The following CLSTN2 variants were observed in gnomAD, a reference collection of about 807,000 sequenced individuals.
The protein encoded by CLSTN2 is calsyntenin-2.
A neutral mutation model predicts 101.2 loss-of-function variants in CLSTN2; 48 were observed. The ratio of observed to expected loss-of-function variants is 0.47; its 90% confidence interval spans 0.38 to 0.60. The LOEUF is 0.60. Among genes scored for constraint, CLSTN2 ranks in the 20% least tolerant of loss-of-function variants. The pLI, the probability that CLSTN2 is intolerant of heterozygous loss-of-function variation, is 0.00. For missense variants in CLSTN2, 1,160 were observed against 1,238.2 expected, an observed-to-expected ratio of 0.94 and a Z score of 0.95; for synonymous variants, 481 against 463.6, an observed-to-expected ratio of 1.04 and a Z score of -0.48.
intron 1 of CLSTN2, among the ~76,000 whole-genome samples, chr3:140,084,611 C>T (rs1183991943): frequency 2.0e-5 from 3 of 152,096 alleles, no homozygotes; most frequent in Non-Finnish European, 4.4e-5. Context: ...TTACCAAATT[C>T]CCAGGTTCAA....
At chr3:140,061,172 G>T (rs931431249) in intron 1 of CLSTN2, among the ~76,000 whole-genome samples, 3 of 152,174 alleles carry the variant, frequency 2.0e-5, no homozygotes, top group Non-Finnish European at 4.4e-5. Context: ...CTCAAAGTGA[G>T]CTTTTCTGAA....
intron 1 of CLSTN2, among the ~76,000 whole-genome samples, chr3:140,171,546 A>T (rs1187597137): frequency 1.4e-5 from 2 of 147,222 alleles, no homozygotes; most frequent in East Asian, 1.9e-4. Flanking sequence ...ATAAGCTCTC[A>T]CTTTGCTGTG....
intron 1 of CLSTN2, among the ~76,000 whole-genome samples, chr3:140,095,146 C>G (rs1019392112): frequency 1.3e-5 from 2 of 152,188 alleles, no homozygotes; most frequent in Non-Finnish European, 2.9e-5. Context: ...TTAGTTCTGT[C>G]TCTCCCTCAA....
At chr3:140,335,094 T>G (rs1053367038) in intron 2 of CLSTN2, among the ~76,000 whole-genome samples, 7 of 152,292 alleles carry the variant, frequency 4.6e-5, no homozygotes, top group Admixed American at 3.9e-4. Context: ...GAAGGTTGCC[T>G]TGGTGGGGCC....
chr3:139,957,238 G>C (rs919415401), intron 1 of CLSTN2, among the ~76,000 whole-genome samples: 2 of 151,990 alleles, frequency 1.3e-5, no homozygotes, highest in Admixed American at 6.6e-5. Flanking sequence ...CTGACACTTC[G>C]AGCTCAGGAA....
intron 8 of CLSTN2, among the ~76,000 whole-genome samples, chr3:140,530,267 C>T (rs1935226105): frequency 6.6e-6 from 1 of 152,186 alleles, no homozygotes; most frequent in South Asian, 2.1e-4. Context: ...ATGAAATATG[C>T]AAACTCTCAA....
At chr3:140,334,527 T>C (rs2087421837) in intron 2 of CLSTN2, among the ~76,000 whole-genome samples, 1 of 152,232 alleles carries the variant, frequency 6.6e-6, no homozygotes, top group Admixed American at 6.5e-5. Flanking sequence ...GACTGGACTG[T>C]GGAGTCACAG....
intron 2 of CLSTN2, among the ~76,000 whole-genome samples, chr3:140,365,887 C>A (rs568579853): frequency 5.1e-4 from 77 of 152,268 alleles, no homozygotes; most frequent in African/African-American, 1.7e-3. Flanking sequence ...AACCCCACAC[C>A]CTGAGCTTGC....
At chr3:140,119,781 A>G (rs557152094) in intron 1 of CLSTN2, among the ~76,000 whole-genome samples, 22 of 152,268 alleles carry the variant, frequency 1.4e-4, no homozygotes, top group African/African-American at 5.1e-4. Flanking sequence ...GATTACAGGC[A>G]TGAACCACTG....
At chr3:140,344,396 T>C (rs1189757810) in intron 2 of CLSTN2, among the ~76,000 whole-genome samples, 1 of 152,186 alleles carries the variant, frequency 6.6e-6, no homozygotes, top group Non-Finnish European at 1.5e-5. Context: ...CAAAACAAGT[T>C]GTATTGCCAC....
rs146974908 is a variant in CLSTN2 at position 140,448,592 on chromosome 3, G to A, written c.861G>A (p.Thr287=). The change falls in exon 6 of 17, where the codon ACG becomes ACA. Residue 287 remains threonine (T), a synonymous_variant. Coordinates refer to ENST00000458420, the MANE Select transcript of CLSTN2 (RefSeq NM_022131.3). ...MPLFPSIHLE[T]CDGAVSSLQI... ...TGTTCCCCAGCATCCACCTGGAGAC[G>A]TGCGATGGAGCCGTGTCTTCCCTCC... is the stretch of plus-strand genomic sequence containing the variant. The A allele has an allele frequency of 2.5e-4, 396 of 1,614,066 alleles. 1 individual carries two copies. The African/African-American group carries it at 4.3e-3, about 18-fold the overall frequency.
At position 139,992,573 on chromosome 3, in the gene CLSTN2, G is replaced by C. The variant is rs191132284; in HGVS notation, c.109+57090G>C. On this transcript the variant is annotated intron_variant, in intron 1 of 16. Transcript: ENST00000458420. ...GCCATTTGTTCAACAAGTATGTATT[G>C]AGCACCTATTATGTGTCAGGCACTG... Among the ~76,000 whole-genome samples the C allele has an allele frequency of 6.6e-5, 10 of 152,264 alleles. No individual in the cohort carries two copies. The East Asian group carries it at 1.7e-3, about 26-fold the overall frequency.
At chr3:140,558,588 A>C in intron 11 of CLSTN2, 52 bp from the exon 12 acceptor site, 1 of 1,484,916 alleles carries the variant, frequency 6.7e-7, no homozygotes, top group Non-Finnish European at 9.4e-7. Flanking sequence ...GCTGTATGAC[A>C]GATGGTTTAA....
chr3:140,289,266 A>C (rs2107902041), intron 2 of CLSTN2, among the ~76,000 whole-genome samples: 1 of 152,190 alleles, frequency 6.6e-6, no homozygotes, highest in Admixed American at 6.5e-5. Context: ...ACAGCTAAAA[A>C]GTGGAGGTGC....
chr3:140,083,959 A>T (rs1417289241), intron 1 of CLSTN2, among the ~76,000 whole-genome samples: 1 of 152,228 alleles, frequency 6.6e-6, no homozygotes, highest in Non-Finnish European at 1.5e-5. Flanking sequence ...TGGACTCCTG[A>T]TACTTCCATT....
At chr3:140,520,516 G>A (rs1487611188) in intron 8 of CLSTN2, among the ~76,000 whole-genome samples, 1 of 152,176 alleles carries the variant, frequency 6.6e-6, no homozygotes, top group African/African-American at 2.4e-5. Context: ...CACAAGAATA[G>A]CATGGGGGAA....
intron 2 of CLSTN2, among the ~76,000 whole-genome samples, chr3:140,262,429 G>A (rs1364862406): frequency 2.6e-5 from 4 of 152,206 alleles, no homozygotes; most frequent in African/African-American, 9.6e-5. Flanking sequence ...GTAAAAGAGA[G>A]AGGAGTGTAA....
At chr3:140,126,160 G>A (rs1428574626) in intron 1 of CLSTN2, among the ~76,000 whole-genome samples, 1 of 152,132 alleles carries the variant, frequency 6.6e-6, no homozygotes, top group Non-Finnish European at 1.5e-5. Context: ...GAAGGGCAAG[G>A]AACTGAGATG....
At chr3:140,096,021 C>A (rs2008863688) in intron 1 of CLSTN2, among the ~76,000 whole-genome samples, 1 of 152,150 alleles carries the variant, frequency 6.6e-6, no homozygotes, top group African/African-American at 2.4e-5. Context: ...AATTTAAGGA[C>A]ACTGGATGAT....
Sources: gnomAD v4.1 joint callset for allele counts (sites outside exome capture counted in the v4.1 genomes callset) on GRCh38, gnomAD v4.1.1 for gene constraint, MANE v1.5 for transcripts, NCBI Gene and HGNC (gene_info 2026-07-23, HGNC 2026-07-21) for gene names.